Variants in MLLT10 observed in about 807,000 individuals in gnomAD.
MLLT10 encodes MLLT10 histone lysine methyltransferase DOT1L cofactor.
MLLT10 carries 30 observed loss-of-function variants against 129.1 expected under a neutral mutation model. The ratio of observed to expected loss-of-function variants is 0.23; its 90% CI spans 0.17 to 0.32. The LOEUF (loss-of-function observed/expected upper bound fraction) is 0.32, where lower values mean the gene tolerates loss of function less well. Ranked by LOEUF, MLLT10 falls within the 10% of genes least tolerant of loss-of-function variation. The pLI is 1.00. For synonymous variants in MLLT10, 490 were observed against 446.4 expected (o/e 1.10, Z -1.23); for missense variants, 1,119 against 1,268.3 (o/e 0.88, Z 1.79).
intron 15 of MLLT10, 90 bp downstream of exon 15, chr10:21,726,445 C>G (rs1276770599): frequency 2.3e-6 from 2 of 864,134 alleles, no homozygotes; most frequent in Non-Finnish European, 3.7e-6. Context: ...TGAAAACATG[C>G]AGGGATGTGG....
chr10:21,674,026 T>A (rs1181602764), intron 11 of MLLT10, 107 bp downstream of exon 11: 1 of 818,140 alleles, frequency 1.2e-6, no homozygotes, highest in Non-Finnish European at 1.8e-6. Flanking sequence ...AATTAATAAA[T>A]GACATTTAAT....
intron 14 of MLLT10, among the ~76,000 whole-genome samples, chr10:21,717,550 T>C (rs2056716205): frequency 1.2e-5 from 1 of 84,874 alleles, no homozygotes; most frequent in Non-Finnish European, 2.1e-5. Context: ...TCCCTTCTTC[T>C]TTCTTCTTCT....
intron 2 of MLLT10, among the ~76,000 whole-genome samples, chr10:21,537,714 C>T (rs994997351): frequency 2.6e-5 from 4 of 152,164 alleles, no homozygotes; most frequent in African/African-American, 9.7e-5. Context: ...GGTGATCCTC[C>T]TGCCTCGGCC....
rs974886064 is a variant in MLLT10, at chr10:21,742,100, A to G, written c.*117A>G. 2.3e-6 allele frequency: 2 copies of G among 874,100 alleles called. No homozygotes were observed. Among genetic ancestry groups the G allele is most frequent in the Non-Finnish European group, 1.8e-6 (1 of 551,528 alleles). 54.1% of individuals were successfully genotyped at this position (874,100 alleles called of 1,614,324 possible). A position where few individuals can be genotyped will look rare whatever the true frequency, so the allele number is the denominator to read the frequency against. ...CGCAACAAGAAACTCAATGCACAAC[A>G]AAGGATTAATTGCTGCAAGGACATT... On this transcript the variant is annotated 3_prime_UTR_variant, in exon 23 of 23. Coordinates refer to ENST00000307729, the MANE Select transcript of MLLT10 (RefSeq NM_001195626.3).
At chr10:21,630,807 T>C (rs907727135) in intron 8 of MLLT10, among the ~76,000 whole-genome samples, 3 of 152,220 alleles carry the variant, frequency 2.0e-5, no homozygotes, top group East Asian at 1.9e-4. Flanking sequence ...AGACTCTTTG[T>C]AGTTTTTGAC....
intron 13 of MLLT10, among the ~76,000 whole-genome samples, chr10:21,683,606 A>C (rs2052971612): frequency 1.3e-5 from 2 of 152,216 alleles, no homozygotes; most frequent in Non-Finnish European, 2.9e-5. Context: ...TAAGATTGAC[A>C]CCTAGTGAAT....
intron 9 of MLLT10, among the ~76,000 whole-genome samples, chr10:21,659,422 C>T (rs2049942031): frequency 6.6e-6 from 1 of 151,468 alleles, no homozygotes; most frequent in African/African-American, 2.4e-5. Context: ...ACGTAAAAAC[C>T]AAAGGAAAAA....
At chr10:21,545,906 A>T (rs183587780) in intron 3 of MLLT10, among the ~76,000 whole-genome samples, 2 of 151,782 alleles carry the variant, frequency 1.3e-5, no homozygotes, top group Admixed American at 1.3e-4. Flanking sequence ...GCTTTAAGAG[A>T]TCCTCCCGTG....
intron 9 of MLLT10, among the ~76,000 whole-genome samples, chr10:21,666,117 G>A (rs1184512245): frequency 3.9e-5 from 6 of 152,068 alleles, no homozygotes; most frequent in African/African-American, 1.4e-4. Context: ...TTATGATTCA[G>A]TTTTGCCTGA....
At position 21,733,831 on chromosome 10, in the gene MLLT10, G is replaced by C; in HGVS notation, c.2560G>C (p.Gly854Arg). 6.2e-7 allele frequency: 1 copy of C among 1,614,134 alleles called. No individual in the cohort carries two copies. The highest frequency in any genetic ancestry group is 8.5e-7 in the Non-Finnish European group (1 of 1,180,026). ...AGCTCTTTCTACCCCACCTCCTGCTGGGCAGAGTCCGGCTCAACAAGGCTC... is the reference window on the plus strand; with the variant it reads ...AGCTCTTTCTACCCCACCTCCTGCTCGGCAGAGTCCGGCTCAACAAGGCTC... ...SSALSTPPPA[G>R]QSPAQQGSGV... The change falls in exon 20 of 23, where the codon GGG becomes CGG. Residue 854 changes from glycine (G) to arginine (R), a missense_variant. Coordinates refer to ENST00000307729, the MANE Select transcript of MLLT10 (RefSeq NM_001195626.3).
chr10:21,738,197 G>T (rs1313818420), intron 21 of MLLT10, among the ~76,000 whole-genome samples: 1 of 151,904 alleles, frequency 6.6e-6, no homozygotes, highest in Non-Finnish European at 1.5e-5. Flanking sequence ...GAACCAGGAG[G>T]TGTAGGTTGC....
At chr10:21,539,465 C>A (rs1411678692) in intron 3 of MLLT10, among the ~76,000 whole-genome samples, 3 of 108,938 alleles carry the variant, frequency 2.8e-5, no homozygotes, top group Non-Finnish European at 5.7e-5. Flanking sequence ...CAGAACTTTT[C>A]TAAACCTCTT....
At chr10:21,674,069 A>G in intron 11 of MLLT10, 150 bp downstream of exon 11, 2 of 633,330 alleles carry the variant, frequency 3.2e-6, no homozygotes, top group East Asian at 3.0e-5. Context: ...TAAATTTTCT[A>G]ATGGAAAATA....
At chr10:21,534,911 G>T (rs2033560960) in intron 2 of MLLT10, 107 bp downstream of exon 2, 1 of 808,598 alleles carries the variant, frequency 1.2e-6, no homozygotes, top group Non-Finnish European at 1.5e-6. Flanking sequence ...CCGCGGCCGC[G>T]GGAGGGACGC....
chr10:21,670,027 G>C (rs902830133), intron 9 of MLLT10, among the ~76,000 whole-genome samples: 1 of 151,760 alleles, frequency 6.6e-6, no homozygotes, highest in Non-Finnish European at 1.5e-5. Context: ...TGGATTTGTA[G>C]CACCTTAGTT....
intron 3 of MLLT10, among the ~76,000 whole-genome samples, chr10:21,549,044 T>C (rs1264405157): frequency 1.3e-5 from 2 of 152,108 alleles, no homozygotes; most frequent in African/African-American, 4.8e-5. Flanking sequence ...GTGGGGTTTT[T>C]GCCTTTGCTC....
chr10:21,537,944 A>G (rs774765691), intron 2 of MLLT10, among the ~76,000 whole-genome samples: 1 of 152,148 alleles, frequency 6.6e-6, no homozygotes, highest in African/African-American at 2.4e-5. Flanking sequence ...GTGATTAGAT[A>G]TGTGATGTAT....
rs140838729 is a variant in MLLT10, at chr10:21,645,457, A to G, written c.700-6216A>G. Among the ~76,000 whole-genome samples, 4 of 152,310 alleles carry G rather than the reference A, an allele frequency of 2.6e-5. No individual in the cohort carries two copies. In the East Asian group the frequency reaches 7.7e-4, roughly 29 times the overall value. ...GTGTTATTTGAATATAGGCACTCTT[A>G]CTAGAAATTTGTTCTATTTCAGTGT... On this transcript the variant is annotated intron_variant, in intron 8 of 22. Coordinates refer to ENST00000307729, the MANE Select transcript of MLLT10 (RefSeq NM_001195626.3).
chr10:21,651,795 T>G, intron 9 of MLLT10, 27 bp downstream of exon 9: 1 of 1,509,460 alleles, frequency 6.6e-7, no homozygotes, highest in Non-Finnish European at 9.2e-7. Context: ...ATATTTTGTT[T>G]TATGTAATAA....
Sources: gnomAD v4.1 joint callset for allele counts (sites outside exome capture counted in the v4.1 genomes callset) on GRCh38, gnomAD v4.1.1 for gene constraint, MANE v1.5 for transcripts, NCBI Gene and HGNC (gene_info 2026-07-23, HGNC 2026-07-21) for gene names.